The following HIBCH variants were observed in gnomAD, a reference collection of about 807,000 sequenced individuals.
HIBCH encodes the protein 3-hydroxyisobutyryl-CoA hydrolase, also known as 3-hydroxyisobutyryl-CoA hydrolase, mitochondrial.
HIBCH carries 50 observed loss-of-function variants against 58.2 expected under a neutral mutation model. The observed-to-expected ratio is 0.86, with a 90% confidence interval of 0.68 to 1.09. The LOEUF (loss-of-function observed/expected upper bound fraction) is 1.09. Ranked by LOEUF, HIBCH falls within the 50% of genes least tolerant of loss-of-function variation. The pLI is 0.00. For missense variants in HIBCH, 450 were observed against 449.7 expected (o/e 1.00, Z -0.01); for synonymous variants, 151 against 146.9 (o/e 1.03, Z -0.20).
intron 1 of HIBCH, among the ~76,000 whole-genome samples, chr2:190,314,370 C>T (rs201052481): frequency 6.0e-5 from 5 of 83,740 alleles, no homozygotes; most frequent in South Asian, 4.5e-4. Flanking sequence ...TATATATATA[C>T]GTATATATGT....
Position 190,197,090 on chromosome 2 carries a change from T to G in HIBCH, c.*18-7093A>C, listed in dbSNP as rs538732243. ...AGGGAACTCTCTGGGGTCTCTTTTA[T>G]GAGAGCACTAAAACTCTAATATCAT... On this transcript the variant is annotated intron_variant, in intron 1 of 1. Transcript: ENST00000399855. The surrounding 1 kb of genome is among the most constrained non-coding windows in gnomAD (Gnocchi z 4.0). Among the ~76,000 whole-genome samples the G allele has an allele frequency of 1.3e-5, 2 of 152,286 alleles. No individual in the cohort carries two copies. Among genetic ancestry groups the G allele is most frequent in the East Asian group, 3.9e-4 (2 of 5,194 alleles).
intron 2 of HIBCH, among the ~76,000 whole-genome samples, chr2:190,302,675 G>A (rs1688297346): frequency 1.3e-5 from 2 of 152,188 alleles, no homozygotes; most frequent in African/African-American, 4.8e-5. Flanking sequence ...TACAAGGTGT[G>A]TCCAAGCTCT....
intron 2 of HIBCH, among the ~76,000 whole-genome samples, chr2:190,302,347 T>A (rs573302844): frequency 2.0e-5 from 3 of 152,192 alleles, no homozygotes; most frequent in Non-Finnish European, 4.4e-5. Flanking sequence ...AGCTAACATG[T>A]ATGCACATGC....
chr2:190,260,622 A>C (rs900359418), intron 7 of HIBCH: 3 of 152,848 alleles, frequency 2.0e-5, no homozygotes, highest in Non-Finnish European at 4.4e-5. Flanking sequence ...TTAACTATAA[A>C]GCAACACTAA....
intron 11 of HIBCH, among the ~76,000 whole-genome samples, chr2:190,237,323 T>C (rs1481634942): frequency 6.6e-6 from 1 of 152,234 alleles, no homozygotes; most frequent in Non-Finnish European, 1.5e-5. Context: ...TGAGTGGTCC[T>C]TTGCATCCAC....
At chr2:190,255,780 G>C (rs750264862) in intron 7 of HIBCH, among the ~76,000 whole-genome samples, 1 of 152,072 alleles carries the variant, frequency 6.6e-6, no homozygotes, top group East Asian at 1.9e-4. Context: ...CAGAGAGAAA[G>C]CTCTGGAGAT....
intron 11 of HIBCH, among the ~76,000 whole-genome samples, chr2:190,238,174 T>C (rs1200546975): frequency 6.6e-6 from 1 of 152,166 alleles, no homozygotes; most frequent in Non-Finnish European, 1.5e-5. Flanking sequence ...TATAATCCTA[T>C]GGGTATATAC....
Position 190,294,561 on chromosome 2 carries a change from C to T in HIBCH, c.289G>A (p.Gly97Arg), listed in dbSNP as rs1418646592. 9.3e-6 allele frequency: 15 copies of T among 1,611,646 alleles called. No individual in the cohort carries two copies. Among genetic ancestry groups the T allele is most frequent in the Non-Finnish European group, 1.3e-5 (15 of 1,178,914 alleles). The stretch of plus-strand genomic sequence containing the variant: ...AAGTCTTTACCTCTGATATCACCCC[C>T]GGCACAGAAAGCCTTTCCTCCTGCT... ...KGAGGKAFCA[G>R]GDIRVISEAE... The change falls in exon 4 of 14, where the codon GGG (glycine) becomes AGG (arginine). Residue 97 changes from glycine to arginine, a missense_variant. Coordinates refer to ENST00000359678, the MANE Select transcript of HIBCH (RefSeq NM_014362.4).
intron 4 of HIBCH, 36 bp downstream of exon 4, chr2:190,294,510 G>A (rs564234809): frequency 3.7e-6 from 5 of 1,365,766 alleles, no homozygotes; most frequent in African/African-American, 2.9e-5. Flanking sequence ...TCTAGTAGGG[G>A]GAAAGAGCAC....
At position 190,261,144 on chromosome 2, in the gene HIBCH, C is replaced by A. The variant is rs1231243156; in HGVS notation, c.517+12G>T. 2.6e-5 allele frequency: 42 copies of A among 1,598,792 alleles called. No homozygotes were observed. The highest frequency in any genetic ancestry group is 3.5e-5 in the Non-Finnish European group (41 of 1,167,038). On this transcript the variant is annotated intron_variant, in intron 7 of 13. Coordinates refer to ENST00000359678, the MANE Select transcript of HIBCH (RefSeq NM_014362.4). ...GCTAAAAGTAATTATAAAAAAAATT[C>A]TGGTTGTTTACCTATTGCAGTTTCT...
At chr2:190,319,258 C>T (rs1433757781) in intron 1 of HIBCH, among the ~76,000 whole-genome samples, 1 of 152,190 alleles carries the variant, frequency 6.6e-6, no homozygotes, top group Admixed American at 6.5e-5. Flanking sequence ...GTTCCAAATG[C>T]CTATACTGAC....
chr2:190,270,855 T>C (rs899792901), intron 6 of HIBCH, among the ~76,000 whole-genome samples: 4 of 152,150 alleles, frequency 2.6e-5, no homozygotes, highest in Admixed American at 2.6e-4. Context: ...AATATGTATA[T>C]TGATTATATA....
At chr2:190,287,027 C>CGTGTGTGTGTGTGTGTGT (rs56811939) in intron 6 of HIBCH, among the ~76,000 whole-genome samples, 154 of 142,214 alleles carry the variant, frequency 1.1e-3, no homozygotes, top group South Asian at 2.1e-3. Context: ...TAGCATATAA[C>CGTGTGTGTGTGTGTGTGT]GTGTGTGTGT....
rs1690459373 is a variant in HIBCH, at chr2:190,209,063, C to CT, written c.1012-151dup. The CT allele has an allele frequency of 1.4e-6, 1 of 713,694 alleles. No homozygotes were observed. The highest frequency in any genetic ancestry group is 1.7e-5 in the African/African-American group (1 of 57,292). 44.2% of individuals were successfully genotyped at this position (713,694 alleles called of 1,614,324 possible). A position where few individuals can be genotyped will look rare whatever the true frequency, so the allele number is the denominator to read the frequency against. ...AGACTGAACCACCTCTGATAGCCCA[C>CT]TCTCTGATCACCACCTCCTAAATCT... On this transcript the variant is annotated intron_variant, in intron 12 of 13. Transcript: ENST00000359678. The surrounding 1 kb of genome is among the most constrained non-coding windows in gnomAD (Gnocchi z 5.6).
At chr2:190,200,422 CTAAG>C (rs950024736), downstream of HIBCH, 17 of 324,352 alleles carry the variant, frequency 5.2e-5, no homozygotes, top group African/African-American at 3.6e-4. Context: ...GCACTTCTTC[CTAAG>C]TAATGGCATC....
In HIBCH at chr2:190,196,167, GTCT is replaced by G. The variant is rs995277640; in HGVS notation, c.*18-6173_*18-6171del. On this transcript the variant is annotated intron_variant, in intron 1 of 1. Transcript: ENST00000399855. ...CAACCCCCAATGTTCTTCCTTTCCT[GTCT>G]TCTTCTGGGTTAAACGTATCTAATT... is the stretch of plus-strand genomic sequence containing the variant. 1.4e-4 allele frequency among the ~76,000 whole-genome samples: 22 copies of G among 151,744 alleles called. 1 individual carries two copies. The highest frequency in any genetic ancestry group is 3.1e-4 in the Non-Finnish European group (21 of 67,906).
At chr2:190,238,412 T>C (rs536011994) in intron 11 of HIBCH, among the ~76,000 whole-genome samples, 12 of 152,336 alleles carry the variant, frequency 7.9e-5, no homozygotes, top group African/African-American at 2.4e-4. Context: ...TTTGCATTTC[T>C]CTAATGATCA....
At chr2:190,270,955 T>C (rs989589574) in intron 6 of HIBCH, among the ~76,000 whole-genome samples, 5 of 152,174 alleles carry the variant, frequency 3.3e-5, no homozygotes, top group Admixed American at 3.3e-4. Context: ...TCATGTTATT[T>C]TTAGACAAAA....
chr2:190,271,916 CTT>C (rs1366269599), intron 6 of HIBCH, among the ~76,000 whole-genome samples: 1 of 152,160 alleles, frequency 6.6e-6, no homozygotes, highest in African/African-American at 2.4e-5. Flanking sequence ...TGAATTCTCT[CTT>C]ATCTCATTTT....
Sources: allele counts gnomAD v4.1 joint callset (sites outside exome capture counted in the v4.1 genomes callset), GRCh38; gene constraint gnomAD v4.1.1; non-coding constraint Gnocchi (gnomAD v3.1); transcripts MANE v1.5; gene names NCBI Gene and HGNC (gene_info 2026-07-23, HGNC 2026-07-21).